MAST1: variants seen among roughly 807,000 people sequenced by gnomAD.
MAST1 encodes microtubule-associated serine/threonine-protein kinase 1.
A neutral mutation model predicts 124.6 loss-of-function variants in MAST1; 40 were observed. The ratio of observed to expected loss-of-function variants is 0.32; its 90% confidence interval spans 0.25 to 0.42. The LOEUF (loss-of-function observed/expected upper bound fraction) is 0.42. MAST1 is among the 10% of genes least tolerant of loss of function. MAST1 has a pLI of 1.00. For missense variants in MAST1, 1,558 were observed against 2,181.9 expected, an observed-to-expected ratio of 0.71 and a Z score of 5.70; for synonymous variants, 938 against 939.4, an observed-to-expected ratio of 1.00 and a Z score of 0.03.
rs2305796 is a variant in MAST1 at position 12,843,327 on chromosome 19, C to T, written c.249-202C>T. Among the ~76,000 whole-genome samples the T allele has an allele frequency of 0.29, 44,591 of 151,536 alleles. 7,164 individuals carry two copies. Among genetic ancestry groups the T allele is most frequent in the East Asian group, 0.6 (3,044 of 5,108 alleles). ...GGGACCGTGGGGAGGAGAGTGGAGA[C>T]GGATCCTCCCTCCAATTCCCGGTGC... On this transcript the variant is annotated intron_variant, in intron 3 of 25. Transcript: ENST00000251472. The surrounding 1 kb of genome is among the most constrained non-coding windows in gnomAD (Gnocchi z 4.9).
intron 7 of MAST1, among the ~76,000 whole-genome samples, chr19:12,851,360 C>T (rs10403254): frequency 0.017 from 2,608 of 151,580 alleles, 76 homozygotes; most frequent in African/African-American, 0.06. Flanking sequence ...GCCCCCTGGG[C>T]TCAAGTAATT....
At position 12,841,451 on chromosome 19, in the gene MAST1, C is replaced by T. The variant is rs1969826839; in HGVS notation, c.248+385C>T. On this transcript the variant is annotated intron_variant, in intron 3 of 25. Transcript: ENST00000251472. The surrounding 1 kb of genome is among the most constrained non-coding windows in gnomAD (Gnocchi z 4.3). Reference sequence around the variant, plus strand: ...TGCCTATCGAGGGACTCTTGGTCCCCGAGGTGGGGGAGGACGACTAGGGCT... The same window carrying T: ...TGCCTATCGAGGGACTCTTGGTCCCTGAGGTGGGGGAGGACGACTAGGGCT... Among the ~76,000 whole-genome samples the T allele has an allele frequency of 6.6e-6, 1 of 152,176 alleles. No individual in the cohort carries two copies. The highest frequency in any genetic ancestry group is 1.5e-5 in the Non-Finnish European group (1 of 68,034).
chr19:12,860,446 C>CTTTTTT (rs397956908), intron 12 of MAST1, among the ~76,000 whole-genome samples: 5 of 116,558 alleles, frequency 4.3e-5, no homozygotes, highest in African/African-American at 1.0e-4. Context: ...TTCTTTCTTT[C>CTTTTTT]TTTTTTTTTT....
At position 12,874,084 on chromosome 19, in the gene MAST1, G is replaced by A. The variant is rs754787825; in HGVS notation, c.3927G>A (p.Glu1309=). Residue 1309 remains glutamate (E), a synonymous_variant, in exon 26 of 26, where the codon GAG becomes GAA. Transcript: ENST00000251472. The surrounding 1 kb of genome is among the most constrained non-coding windows in gnomAD (Gnocchi z 6.6). ...AGCTGGCGCTGCATAGCCTTGCCGA[G>A]TCCGACGGTGAGACGCCCCCAGTCG... The part of the protein sequence containing the change: ...HGELALHSLA[E]SDGETPPVEG... 4.4e-5 allele frequency: 69 copies of A among 1,574,344 alleles called. No individual in the cohort carries two copies. The highest frequency in any genetic ancestry group is 5.8e-5 in the Non-Finnish European group (67 of 1,163,400).
chr19:12,873,548 G>A, intron 25 of MAST1, 37 bp downstream of exon 25: 1 of 1,585,432 alleles, frequency 6.3e-7, no homozygotes. Flanking sequence ...ACCGAGCAGC[G>A]CGGGGTGGCC....
intron 10 of MAST1, among the ~76,000 whole-genome samples, chr19:12,854,068 C>G (rs899174203): frequency 1.3e-5 from 2 of 151,144 alleles, no homozygotes; most frequent in African/African-American, 4.9e-5. Flanking sequence ...CCTGCAGTCC[C>G]TGGCAACCAC....
intron 7 of MAST1, among the ~76,000 whole-genome samples, chr19:12,849,402 G>A (rs1301111322): frequency 3.3e-5 from 5 of 152,236 alleles, no homozygotes; most frequent in South Asian, 2.1e-4. Flanking sequence ...GGTTGCTCAC[G>A]CCTTTAATCC....
In MAST1 at chr19:12,868,675, C is replaced by T. The variant is rs747294308; in HGVS notation, c.2599C>T (p.Pro867Ser). 6.2e-7 allele frequency: 1 copy of T among 1,608,878 alleles called. No homozygotes were observed. Among genetic ancestry groups the T allele is most frequent in the Non-Finnish European group, 8.5e-7 (1 of 1,176,580 alleles). ...TCCACGCCCAGGTGACCTCTGCCCA[C>T]CCTCGAAGGATGGGGATGCATCAGG... ...DRPRPGDLCP[P>S]SKDGDASGPR... Residue 867 changes from proline to serine, a missense_variant, in exon 21 of 26, where the codon CCC becomes TCC. By Grantham distance (74) the Pro-to-Ser change is moderately conservative. Transcript: ENST00000251472.
In MAST1 at chr19:12,858,678, C is replaced by T. The variant is rs1458672387; in HGVS notation, c.1305C>T (p.Val435=). The T allele has an allele frequency of 1.9e-6, 3 of 1,614,202 alleles. No homozygotes were observed. The highest frequency in any genetic ancestry group is 1.7e-6 in the Non-Finnish European group (2 of 1,180,048). ...ILTFAENPFV[V]GMFCSFETRR... ...CCTTCGCCGAGAACCCGTTTGTGGTCGGCATGTTCTGCTCCTTTGAGACTC... is the reference window on the plus strand; with the variant it reads ...CCTTCGCCGAGAACCCGTTTGTGGTTGGCATGTTCTGCTCCTTTGAGACTC... The change falls in exon 12 of 26, where the codon GTC becomes GTT. Residue 435 remains valine, a synonymous_variant. Coordinates refer to ENST00000251472, the MANE Select transcript of MAST1 (RefSeq NM_014975.3).
intron 4 of MAST1, among the ~76,000 whole-genome samples, chr19:12,846,870 CAAAA>C (rs386388580): frequency 6.3e-5 from 3 of 47,384 alleles, no homozygotes; most frequent in Admixed American, 4.8e-4. Context: ...AACTCCATCT[CAAAA>C]AAAAAAAAAA....
intron 3 of MAST1, among the ~76,000 whole-genome samples, chr19:12,842,447 C>T (rs1969842379): frequency 6.6e-6 from 1 of 152,102 alleles, no homozygotes; most frequent in Non-Finnish European, 1.5e-5. Flanking sequence ...CGCCTGCCAC[C>T]ACGCCCGGCT....
At chr19:12,862,412 C>G (rs1970095440) in intron 12 of MAST1, among the ~76,000 whole-genome samples, 1 of 152,156 alleles carries the variant, frequency 6.6e-6, no homozygotes, top group African/African-American at 2.4e-5. Flanking sequence ...CCACCTCAGC[C>G]TCCAAAAGTA....
At chr19:12,872,905 C>CAA (rs907074663) in intron 24 of MAST1, among the ~76,000 whole-genome samples, 8 of 81,306 alleles carry the variant, frequency 9.8e-5, no homozygotes, top group South Asian at 3.7e-4. Context: ...AACTTCGTCT[C>CAA]AAAAAAAAAA....
Position 12,866,535 on chromosome 19 carries a change from G to C in MAST1, c.2030-118G>C. 1 of 670,764 alleles carries C rather than the reference G, an allele frequency of 1.5e-6. No individual in the cohort carries two copies. Among genetic ancestry groups the C allele is most frequent in the Non-Finnish European group, 2.7e-6 (1 of 374,992 alleles). 41.6% of individuals were successfully genotyped at this position (670,764 alleles called of 1,614,324 possible). ...TAAATTAAATACACTAATGAGGCAGGGGCGTGGCCTGACCTGAAGACTTGT... is the reference window on the plus strand; with the variant it reads ...TAAATTAAATACACTAATGAGGCAGCGGCGTGGCCTGACCTGAAGACTTGT... On this transcript the variant is annotated intron_variant, in intron 17 of 25. Coordinates refer to ENST00000251472, the MANE Select transcript of MAST1 (RefSeq NM_014975.3). The surrounding 1 kb of genome is among the most constrained non-coding windows in gnomAD (Gnocchi z 5.2).
At chr19:12,845,022 C>G (rs1040562989) in intron 4 of MAST1, among the ~76,000 whole-genome samples, 4 of 152,046 alleles carry the variant, frequency 2.6e-5, no homozygotes, top group Non-Finnish European at 2.9e-5. Flanking sequence ...ATCATTCTGG[C>G]CGGGCGCGGT....
At chr19:12,860,459 T>TTG (rs1487658262) in intron 12 of MAST1, among the ~76,000 whole-genome samples, 1 of 147,194 alleles carries the variant, frequency 6.8e-6, no homozygotes, top group African/African-American at 2.5e-5. Context: ...TTTTTTTTTT[T>TTG]TTTTGAGACA....
At position 12,866,851 on chromosome 19, in the gene MAST1, A is replaced by G. The variant is rs1196797888; in HGVS notation, c.2139+89A>G. The G allele has an allele frequency of 2.7e-6, 3 of 1,097,658 alleles. No homozygotes were observed. In the African/African-American group the frequency reaches 4.7e-5, roughly 17 times the overall value. 68.0% of individuals were successfully genotyped at this position (1,097,658 alleles called of 1,614,324 possible). ...TGAGAAACAGGTTCCCTGGTGCCCAAGGTCTCAGGAGCGGGAAGTTATTGA... is the reference window on the plus strand; with the variant it reads ...TGAGAAACAGGTTCCCTGGTGCCCAGGGTCTCAGGAGCGGGAAGTTATTGA... On this transcript the variant is annotated intron_variant, in intron 18 of 25. Coordinates refer to ENST00000251472, the MANE Select transcript of MAST1 (RefSeq NM_014975.3). This position sits in a 1 kb window ranked among gnomAD's most constrained non-coding sequence, Gnocchi z 5.2.
rs771729650 is a variant in MAST1, at chr19:12,868,831, T to C, written c.2755T>C (p.Ser919Pro). The C allele has an allele frequency of 6.3e-7, 1 of 1,588,004 alleles. No individual in the cohort carries two copies. The highest frequency in any genetic ancestry group is 8.6e-7 in the Non-Finnish European group (1 of 1,165,074). The change falls in exon 21 of 26, where the codon TCT becomes CCT. Residue 919 changes from serine (S) to proline (P), a missense_variant. Around this residue, in one of 10 missense-constraint regions of MAST1, gnomAD observed 291 missense variants for 475.8 expected, o/e 0.61. Transcript: ENST00000251472. ...CAAATCAGCCTCAGCCACTGCCTTA[T>C]CTGTCATGATTCCTGCAGGTAATGC... is the stretch of plus-strand genomic sequence containing the variant. ...VIKSASATAL[S>P]VMIPAVDPHG...
chr19:12,867,682 C>CG (rs947998129), intron 19 of MAST1, 30 bp downstream of exon 19: 9 of 1,545,868 alleles, frequency 5.8e-6, no homozygotes, highest in East Asian at 4.7e-5. Context: ...AGTTTGGGGG[C>CG]GGGGTCGAAG....
Sources: gnomAD v4.1 joint callset for allele counts (sites outside exome capture counted in the v4.1 genomes callset) on GRCh38, gnomAD v4.1.1 for gene constraint, gnomAD v4.1.1 regional missense constraint, Gnocchi (gnomAD v3.1) non-coding constraint, MANE v1.5 for transcripts, NCBI Gene and HGNC (gene_info 2026-07-23, HGNC 2026-07-21) for gene names.